NPEPPS: variants seen among roughly 807,000 people sequenced by gnomAD.
NPEPPS encodes aminopeptidase puromycin sensitive, also known as puromycin-sensitive aminopeptidase.
NPEPPS carries 14 observed loss-of-function variants against 115.5 expected under a neutral mutation model. That is an observed-to-expected ratio of 0.12 (90% confidence interval 0.08 to 0.19). The LOEUF (loss-of-function observed/expected upper bound fraction) is 0.19, where lower values mean the gene tolerates loss of function less well. Among genes scored for constraint, NPEPPS ranks in the 10% least tolerant of loss-of-function variants. NPEPPS has a pLI of 1.00. For synonymous variants in NPEPPS, 285 were observed against 390.6 expected, an observed-to-expected ratio of 0.73 and a Z score of 3.19; for missense variants, 523 against 1,110.8, an observed-to-expected ratio of 0.47 and a Z score of 7.52.
chr17:47,558,855 A>G (rs1910239669), intron 2 of NPEPPS, among the ~76,000 whole-genome samples: 1 of 152,054 alleles, frequency 6.6e-6, no homozygotes, highest in Non-Finnish European at 1.5e-5. Flanking sequence ...TAACATGGTG[A>G]AACCCTGTCT....
chr17:47,609,428 A>C (rs1010560928), intron 17 of NPEPPS, among the ~76,000 whole-genome samples: 1 of 152,318 alleles, frequency 6.6e-6, no homozygotes, highest in East Asian at 1.9e-4. Flanking sequence ...AGCTATACAG[A>C]TGGGAGAATG....
At position 47,565,606 on chromosome 17, in the gene NPEPPS, G is replaced by C. The variant is rs376250735; in HGVS notation, c.341-3811G>C. Among the ~76,000 whole-genome samples, 5 of 151,488 alleles carry C rather than the reference G, an allele frequency of 3.3e-5. No individual in the cohort carries two copies. In the East Asian group the frequency reaches 9.7e-4, roughly 29 times the overall value. ...AGGCTGAGGCAGGAGGATCGCTTGA[G>C]CTCGGGAGTTTGAGGCCAGCCTGGG... On this transcript the variant is annotated intron_variant, in intron 2 of 22. Transcript: ENST00000322157.
At chr17:47,572,782 A>G (rs1911274682) in intron 3 of NPEPPS, among the ~76,000 whole-genome samples, 1 of 152,130 alleles carries the variant, frequency 6.6e-6, no homozygotes, top group South Asian at 2.1e-4. Flanking sequence ...GGATTTTTTT[A>G]TTTTCATTTT....
intron 2 of NPEPPS, among the ~76,000 whole-genome samples, chr17:47,561,154 A>G (rs1270466247): frequency 1.3e-5 from 2 of 152,094 alleles, no homozygotes; most frequent in East Asian, 1.9e-4. Context: ...GTGGCCTCAG[A>G]ATACCATCTT....
chr17:47,609,273 C>T (rs1037253904), intron 17 of NPEPPS, among the ~76,000 whole-genome samples: 1 of 152,108 alleles, frequency 6.6e-6, no homozygotes, highest in African/African-American at 2.4e-5. Context: ...GATAGGAGCA[C>T]AGATGAATAG....
intron 19 of NPEPPS, among the ~76,000 whole-genome samples, chr17:47,614,607 A>G (rs544698956): frequency 6.6e-6 from 1 of 152,328 alleles, no homozygotes; most frequent in South Asian, 2.1e-4. Context: ...TGTCCTCATA[A>G]TGGCAGCAGT....
In NPEPPS at chr17:47,550,086, T is replaced by C. The variant is rs1215011199; in HGVS notation, c.340+4093T>C. On this transcript the variant is annotated intron_variant, in intron 2 of 22. Transcript: ENST00000322157. Reference sequence around the variant, plus strand: ...AGCATCTGGGGCTATAGGCGCACGCTGCCACGCCCAGCTAATTTTTGTATT... The same window carrying C: ...AGCATCTGGGGCTATAGGCGCACGCCGCCACGCCCAGCTAATTTTTGTATT... Among the ~76,000 whole-genome samples, 9 of 151,458 alleles carry C rather than the reference T, an allele frequency of 5.9e-5. No individual in the cohort carries two copies. The South Asian group carries it at 1.5e-3, about 25-fold the overall frequency.
intron 2 of NPEPPS, among the ~76,000 whole-genome samples, chr17:47,561,346 CAAAAAA>C (rs71365075): frequency 1.6e-5 from 1 of 60,780 alleles, no homozygotes; most frequent in African/African-American, 7.1e-5. Flanking sequence ...GACCCTGTCT[CAAAAAA>C]AAAAAAAAAA....
rs780013610 is a variant in NPEPPS at position 47,587,278 on chromosome 17, C to T, written c.1029C>T (p.Arg343=). 2.5e-6 allele frequency: 4 copies of T among 1,609,896 alleles called. No individual in the cohort carries two copies. Among genetic ancestry groups the T allele is most frequent in the Non-Finnish European group, 3.4e-6 (4 of 1,178,644 alleles). The stretch of plus-strand genomic sequence containing the variant: ...CAAAAAATTCCTGTTCTTCATCCCG[C>T]CAGTGGGTTGCTCTGGTTGTGGGAC... ...IDPKNSCSSS[R]QWVALVVGHE... is the part of the protein sequence containing the mutation. The change falls in exon 9 of 23, where the codon CGC becomes CGT. Residue 343 remains arginine (R), a synonymous_variant. Transcript: ENST00000322157.
chr17:47,571,979 A>G (rs1160218598), intron 3 of NPEPPS, among the ~76,000 whole-genome samples: 2 of 152,102 alleles, frequency 1.3e-5, no homozygotes, highest in African/African-American at 2.4e-5. Flanking sequence ...ATGCAGCCAT[A>G]TCACCAACTC....
At chr17:47,547,253 C>G (rs894035763) in intron 2 of NPEPPS, among the ~76,000 whole-genome samples, 1 of 152,116 alleles carries the variant, frequency 6.6e-6, no homozygotes, top group Non-Finnish European at 1.5e-5. Flanking sequence ...TCCATTTTGA[C>G]TGGAAATCTT....
At chr17:47,532,124 G>A (rs1597804332) in intron 1 of NPEPPS, among the ~76,000 whole-genome samples, 1 of 152,182 alleles carries the variant, frequency 6.6e-6, no homozygotes, top group East Asian at 1.9e-4. Context: ...GTTAATCCCA[G>A]GCAGCCTCGC....
At chr17:47,614,748 A>G (rs540969133) in intron 19 of NPEPPS, among the ~76,000 whole-genome samples, 3 of 152,330 alleles carry the variant, frequency 2.0e-5, no homozygotes, top group African/African-American at 2.4e-5. Context: ...AGCCGAATCT[A>G]CTTTTTAATC....
intron 9 of NPEPPS, among the ~76,000 whole-genome samples, chr17:47,589,415 C>T (rs889285570): frequency 6.6e-6 from 1 of 151,898 alleles, no homozygotes; most frequent in Non-Finnish European, 1.5e-5. Flanking sequence ...GTCACCATGA[C>T]CAGCTAATTT....
At position 47,585,536 on chromosome 17, in the gene NPEPPS, A is replaced by G. The variant is rs1173410797; in HGVS notation, c.685A>G (p.Asn229Asp). 4 of 1,613,838 alleles carry G rather than the reference A, an allele frequency of 2.5e-6. No individual in the cohort carries two copies. The highest frequency in any genetic ancestry group is 2.2e-5 in the East Asian group (1 of 44,880). The change falls in exon 6 of 23, where the codon AAT becomes GAT. Residue 229 changes from asparagine (N) to aspartate (D), a missense_variant. By Grantham distance (23) the Asn-to-Asp change is conservative (BLOSUM62 1). Around this residue, in one of 4 missense-constraint regions of NPEPPS, gnomAD observed 144 missense variants for 512.4 expected, o/e 0.28. Coordinates refer to ENST00000322157, the MANE Select transcript of NPEPPS (RefSeq NM_006310.4). The part of the protein sequence containing the change: ...IDRKPYPDDE[N>D]LVEVKFARTP... ...CCGGAAACCATACCCTGATGATGAA[A>G]ATTTAGTGGAAGTGAAGTTTGCCCG...
At chr17:47,543,132 C>T (rs537425882) in intron 1 of NPEPPS, among the ~76,000 whole-genome samples, 9 of 136,302 alleles carry the variant, frequency 6.6e-5, no homozygotes, top group Non-Finnish European at 7.6e-5. Flanking sequence ...GGCGAGAGAG[C>T]GAGACTCCAT....
chr17:47,525,812 A>T (rs1387568362), intron 1 of NPEPPS, among the ~76,000 whole-genome samples: 1 of 152,324 alleles, frequency 6.6e-6, no homozygotes, highest in South Asian at 2.1e-4. Flanking sequence ...ATAATAATTG[A>T]GATGTACTTT....
chr17:47,539,307 G>A (rs1400953485), intron 1 of NPEPPS, among the ~76,000 whole-genome samples: 1 of 151,988 alleles, frequency 6.6e-6, no homozygotes, highest in East Asian at 1.9e-4. Flanking sequence ...CTGAGCCTTC[G>A]GATGGCTTTT....
At chr17:47,594,417 T>A (rs1912713411) in intron 12 of NPEPPS, among the ~76,000 whole-genome samples, 1 of 151,276 alleles carries the variant, frequency 6.6e-6, no homozygotes, top group African/African-American at 2.4e-5. Context: ...CAATTCTTTT[T>A]TTTTTTTTTT....
Sources: gnomAD v4.1 joint callset for allele counts (sites outside exome capture counted in the v4.1 genomes callset) on GRCh38, gnomAD v4.1.1 for gene constraint, gnomAD v4.1.1 regional missense constraint, MANE v1.5 for transcripts, NCBI Gene and HGNC (gene_info 2026-07-23, HGNC 2026-07-21) for gene names.